Variants in KCNIP1 observed in about 807,000 individuals in gnomAD.
KCNIP1 encodes the protein potassium voltage-gated channel interacting protein 1.
KCNIP1 carries 18 observed loss-of-function variants against 33.0 expected under a neutral mutation model. That is an observed-to-expected ratio of 0.55 (90% CI 0.38 to 0.81). KCNIP1 has a LOEUF of 0.81. KCNIP1 is among the 30% of genes least tolerant of loss of function. KCNIP1 has a pLI of 0.00. For synonymous variants in KCNIP1, 93 were observed against 98.3 expected, an observed-to-expected ratio of 0.95 and a Z score of 0.32; for missense variants, 238 against 271.6, an observed-to-expected ratio of 0.88 and a Z score of 0.87.
rs149839064 is a variant in KCNIP1 at position 170,590,929 on chromosome 5, G to A, written c.61+86296G>A. Among the ~76,000 whole-genome samples the A allele has an allele frequency of 4.6e-3, 697 of 152,268 alleles. 4 individuals are homozygous for A. The highest frequency in any genetic ancestry group is 0.016 in the African/African-American group (659 of 41,572). ...GGAGCCTGGAGGAAGCCTCAGGTTT[G>A]TATGGGGCAGGCCTGGAAGTGAGGT... On this transcript the variant is annotated intron_variant, in intron 1 of 7. Coordinates refer to ENST00000328939, the MANE Select transcript of KCNIP1 (RefSeq NM_014592.4).
intron 1 of KCNIP1, among the ~76,000 whole-genome samples, chr5:170,595,097 C>T (rs1303005089): frequency 6.6e-6 from 1 of 152,150 alleles, no homozygotes; most frequent in African/African-American, 2.4e-5. Flanking sequence ...CACCAAAGTC[C>T]AAGCATCTCC....
intron 1 of KCNIP1, among the ~76,000 whole-genome samples, chr5:170,710,351 G>A (rs1356017763): frequency 6.6e-6 from 1 of 151,958 alleles, no homozygotes; most frequent in Admixed American, 6.6e-5. Context: ...TATATATTCT[G>A]GTTCTCTGGT....
chr5:170,580,771 T>C (rs1757761465), intron 1 of KCNIP1, among the ~76,000 whole-genome samples: 1 of 152,232 alleles, frequency 6.6e-6, no homozygotes, highest in African/African-American at 2.4e-5. Flanking sequence ...TGAAGATTTA[T>C]CAAGAGCCAG....
chr5:170,399,630 A>G (rs1308004100), intron 1 of KCNIP1, among the ~76,000 whole-genome samples: 8 of 152,232 alleles, frequency 5.3e-5, no homozygotes, highest in African/African-American at 1.9e-4. Flanking sequence ...AATCCTTTCT[A>G]AAAACAAACT....
At chr5:170,680,118 A>G (rs938456521) in intron 1 of KCNIP1, among the ~76,000 whole-genome samples, 4 of 152,168 alleles carry the variant, frequency 2.6e-5, no homozygotes, top group African/African-American at 9.7e-5. Flanking sequence ...CTGTTCCCAC[A>G]CTTTACACAG....
At chr5:170,523,658 G>A (rs1026418395) in intron 1 of KCNIP1, among the ~76,000 whole-genome samples, 3 of 152,050 alleles carry the variant, frequency 2.0e-5, no homozygotes, top group Admixed American at 6.5e-5. Flanking sequence ...CTCCCTGCAC[G>A]TGTCACCTCC....
chr5:170,597,752 A>G (rs1387888558), intron 1 of KCNIP1, among the ~76,000 whole-genome samples: 2 of 136,082 alleles, frequency 1.5e-5, no homozygotes, highest in South Asian at 4.9e-4. Context: ...CACTTGATTT[A>G]CAGCTCACTT....
intron 1 of KCNIP1, chr5:170,484,362 A>C (rs1033506212): frequency 6.6e-6 from 1 of 152,234 alleles, no homozygotes; most frequent in Non-Finnish European, 1.5e-5. Context: ...ATAATAGACC[A>C]TTTAGAGCTT....
At chr5:170,478,072 C>T (rs1756896872) in intron 1 of KCNIP1, among the ~76,000 whole-genome samples, 1 of 152,098 alleles carries the variant, frequency 6.6e-6, no homozygotes, top group African/African-American at 2.4e-5. Context: ...GAGGTTCAGT[C>T]CAAGACACCT....
At chr5:170,663,909 C>G (rs1314938864) in intron 1 of KCNIP1, among the ~76,000 whole-genome samples, 3 of 102,704 alleles carry the variant, frequency 2.9e-5, no homozygotes, top group Admixed American at 9.1e-5. Flanking sequence ...CTTCCACCAT[C>G]CTTTCTATAC....
chr5:170,367,417 GAAAGGAAAGAAA>G (rs1561586950), intron 1 of KCNIP1, among the ~76,000 whole-genome samples: 2 of 99,064 alleles, frequency 2.0e-5, no homozygotes, highest in African/African-American at 8.2e-5. Flanking sequence ...AAGAAAGAAA[GAAAGGAAAGAAA>G]GAAAGAAAGG....
At position 170,484,678 on chromosome 5, in the gene KCNIP1, CT is replaced by C. The variant is rs148985707; in HGVS notation, c.88+130716del. Reference sequence around the variant, plus strand: ...TTCTCTCTACCCGTTTCCCCCTCCCCTTCTCTCTCTCCTCCCTCTTTCCCTC... The same window carrying C: ...TTCTCTCTACCCGTTTCCCCCTCCCCTCTCTCTCTCCTCCCTCTTTCCCTC... On this transcript the variant is annotated intron_variant, in intron 1 of 7. Coordinates refer to the KCNIP1 transcript ENST00000377360. Among the ~76,000 whole-genome samples, 492 of 151,548 alleles carry C rather than the reference CT, an allele frequency of 3.2e-3. 3 individuals are homozygous for C. Among genetic ancestry groups the C allele is most frequent in the African/African-American group, 0.011 (458 of 41,310 alleles).
At chr5:170,607,025 G>A (rs1758948785) in intron 1 of KCNIP1, among the ~76,000 whole-genome samples, 1 of 152,200 alleles carries the variant, frequency 6.6e-6, no homozygotes, top group African/African-American at 2.4e-5. Context: ...TCCCCAGGAT[G>A]TGTTCTCAAG....
chr5:170,490,266 T>G (rs1272609101), intron 1 of KCNIP1, among the ~76,000 whole-genome samples: 5 of 152,210 alleles, frequency 3.3e-5, no homozygotes, highest in Non-Finnish European at 7.3e-5. Flanking sequence ...ACATCCAAAG[T>G]TGGATAGGCC....
At chr5:170,618,042 AAGG>A (rs1312073407) in intron 1 of KCNIP1, among the ~76,000 whole-genome samples, 6 of 152,216 alleles carry the variant, frequency 3.9e-5, no homozygotes, top group Non-Finnish European at 4.4e-5. Flanking sequence ...CCAGGGGAGA[AAGG>A]AAAGTGAAAG....
At chr5:170,643,077 G>T (rs1760640000) in intron 1 of KCNIP1, among the ~76,000 whole-genome samples, 1 of 152,202 alleles carries the variant, frequency 6.6e-6, no homozygotes, top group Non-Finnish European at 1.5e-5. Context: ...TATCCAGGTG[G>T]GTTCTAAATG....
intron 1 of KCNIP1, among the ~76,000 whole-genome samples, chr5:170,673,601 T>C (rs952065666): frequency 1.3e-4 from 20 of 152,240 alleles, no homozygotes; most frequent in African/African-American, 4.6e-4. Flanking sequence ...TGGGCTCTGA[T>C]ACTATCTTGT....
At chr5:170,600,481 C>T (rs547750015) in intron 1 of KCNIP1, among the ~76,000 whole-genome samples, 29 of 152,142 alleles carry the variant, frequency 1.9e-4, no homozygotes, top group African/African-American at 6.5e-4. Context: ...TGCCCCCAAC[C>T]CCATCAGGCC....
chr5:170,377,293 G>C (rs545122430), intron 1 of KCNIP1: 1 of 152,430 alleles, frequency 6.6e-6, no homozygotes, highest in East Asian at 1.9e-4. Flanking sequence ...GGCTTCTGGC[G>C]TGGTGGGGCT....
Sources: allele counts gnomAD v4.1 joint callset (sites outside exome capture counted in the v4.1 genomes callset), GRCh38; gene constraint gnomAD v4.1.1; transcripts MANE v1.5; gene names NCBI Gene and HGNC (gene_info 2026-07-23, HGNC 2026-07-21).